DHX15: variants seen among roughly 807,000 people sequenced by gnomAD.
DHX15 encodes the protein ATP-dependent RNA helicase DHX15.
DHX15 carries 11 observed loss-of-function variants against 94.4 expected under a neutral mutation model. That is an observed-to-expected ratio of 0.12 (90% CI 0.07 to 0.19). DHX15 has a LOEUF of 0.19. Ranked by LOEUF, DHX15 falls within the 10% of genes least tolerant of loss-of-function variation. The pLI is 1.00. For missense variants in DHX15, 304 were observed against 988.5 expected, an observed-to-expected ratio of 0.31 and a Z score of 9.29; for synonymous variants, 338 against 329.9, an observed-to-expected ratio of 1.02 and a Z score of -0.27.
chr4:24,563,341 A>T (rs377194913), intron 3 of DHX15: 21 of 152,106 alleles, frequency 1.4e-4, no homozygotes, highest in African/African-American at 4.8e-4. Context: ...CCGCTCTCCA[A>T]GGAGTTACCA....
At chr4:24,534,926 T>A (rs146911638) in intron 11 of DHX15, among the ~76,000 whole-genome samples, 309 of 150,662 alleles carry the variant, frequency 2.1e-3, no homozygotes, top group African/African-American at 7.3e-3. Context: ...ATCGAAATAA[T>A]AACACGTGGG....
intron 3 of DHX15, among the ~76,000 whole-genome samples, chr4:24,566,990 T>A (rs555464729): frequency 6.6e-6 from 1 of 152,314 alleles, no homozygotes; most frequent in East Asian, 1.9e-4. Context: ...AGATTCACTT[T>A]TCATTATACC....
At position 24,539,278 on chromosome 4, in the gene DHX15, T is replaced by C. The variant is rs570906316; in HGVS notation, c.1786+830A>G. 2.0e-5 allele frequency: 3 copies of C among 152,284 alleles called. No individual in the cohort carries two copies. In the South Asian group the frequency reaches 6.2e-4, roughly 32 times the overall value. The allele number at this position is 152,284 out of a possible 1,614,324, so 9.4% of individuals were successfully genotyped here. A position where few individuals can be genotyped will look rare whatever the true frequency, so the allele number is the denominator to read the frequency against. ...TTAAGTTCAATAAACCACTCAGCAA[T>C]AGGGAGTCAGTTCTCTCCCGTGCTA... On this transcript the variant is annotated intron_variant, in intron 10 of 13. Transcript: ENST00000336812.
At chr4:24,582,366 G>A (rs569465332) in intron 1 of DHX15, among the ~76,000 whole-genome samples, 52 of 152,266 alleles carry the variant, frequency 3.4e-4, no homozygotes, top group Non-Finnish European at 5.7e-4. Flanking sequence ...TTTTACTAAG[G>A]ATATCTGTTT....
At chr4:24,556,162 T>C in intron 4 of DHX15, 89 bp downstream of exon 4, 1 of 1,041,308 alleles carries the variant, frequency 9.6e-7, no homozygotes, top group Non-Finnish European at 1.4e-6. Context: ...GGTGATTTCT[T>C]ACAGTTGGTT....
intron 5 of DHX15, among the ~76,000 whole-genome samples, chr4:24,549,414 T>C (rs1190931200): frequency 1.3e-5 from 2 of 152,234 alleles, no homozygotes; most frequent in African/African-American, 4.8e-5. Context: ...AATAAGCCAA[T>C]TAGGCTTTAA....
intron 6 of DHX15, among the ~76,000 whole-genome samples, chr4:24,547,899 ATGTG>A (rs1294219807): frequency 0.1 from 3,976 of 39,858 alleles, 113 homozygotes; most frequent in Middle Eastern, 0.18. Flanking sequence ...CTATGTATGT[ATGTG>A]TATATATATA....
intron 5 of DHX15, among the ~76,000 whole-genome samples, chr4:24,554,344 T>C (rs1274164161): frequency 6.6e-6 from 1 of 152,232 alleles, no homozygotes; most frequent in Non-Finnish European, 1.5e-5. Flanking sequence ...CTGAAGTGTT[T>C]TGATGATGAA....
At chr4:24,565,566 G>A (rs1181840848) in intron 3 of DHX15, among the ~76,000 whole-genome samples, 1 of 152,112 alleles carries the variant, frequency 6.6e-6, no homozygotes, top group East Asian at 1.9e-4. Context: ...TTTACCTCCA[G>A]CCCTAAAAGA....
At chr4:24,546,827 GTATTA>G (rs1560765133) in intron 6 of DHX15, among the ~76,000 whole-genome samples, 2 of 152,038 alleles carry the variant, frequency 1.3e-5, no homozygotes, top group East Asian at 3.9e-4. Context: ...TTTGTATTAA[GTATTA>G]TATTTGTTCA....
intron 12 of DHX15, among the ~76,000 whole-genome samples, chr4:24,531,038 A>C (rs191691082): frequency 6.6e-6 from 1 of 152,202 alleles, no homozygotes; most frequent in African/African-American, 2.4e-5. Context: ...TGTTTGTAAC[A>C]AATTTTAATC....
At chr4:24,529,009 ATT>A (rs1721023557) in intron 13 of DHX15, among the ~76,000 whole-genome samples, 2 of 151,332 alleles carry the variant, frequency 1.3e-5, no homozygotes, top group Admixed American at 1.3e-4. Flanking sequence ...AATTAAAAAA[ATT>A]AAAAAAAAAC....
chr4:24,536,106 A>G (rs1170074920), intron 11 of DHX15, among the ~76,000 whole-genome samples: 1 of 152,172 alleles, frequency 6.6e-6, no homozygotes, highest in Admixed American at 6.5e-5. Context: ...GTACATTCCA[A>G]CAGCAGCAGC....
intron 3 of DHX15, among the ~76,000 whole-genome samples, chr4:24,567,406 G>T (rs1363931884): frequency 6.6e-6 from 1 of 151,172 alleles, no homozygotes; most frequent in Admixed American, 6.6e-5. Flanking sequence ...GTGAAACCCC[G>T]TCTCTACTAA....
At chr4:24,528,641 C>T (rs917061918) in intron 13 of DHX15, among the ~76,000 whole-genome samples, 12 of 152,100 alleles carry the variant, frequency 7.9e-5, no homozygotes, top group African/African-American at 2.9e-4. Context: ...GAATATGTGC[C>T]TTCAGTCCCA....
intron 11 of DHX15, among the ~76,000 whole-genome samples, chr4:24,535,902 C>T (rs746596785): frequency 2.6e-5 from 4 of 152,004 alleles, no homozygotes; most frequent in Non-Finnish European, 5.9e-5. Context: ...AAAATTGGAA[C>T]GTCAACTTTA....
intron 12 of DHX15, among the ~76,000 whole-genome samples, chr4:24,531,090 ATTTTTTT>A (rs368953985): frequency 2.1e-5 from 3 of 142,958 alleles, no homozygotes; most frequent in African/African-American, 7.7e-5. Context: ...AGTTTCATCA[ATTTTTTT>A]TTTTTTTTTG....
rs766093204 is a variant in DHX15, at chr4:24,576,218, T to C, written c.507+25A>G. 25 of 1,564,916 alleles carry C rather than the reference T, an allele frequency of 1.6e-5. 1 individual carries two copies. The Admixed American group carries it at 2.0e-4, about 13-fold the overall frequency. ...GGTAAACTTAAACATAAATGAAATA[T>C]GTACCATGGTATACAATAACTCACC... On this transcript the variant is annotated intron_variant, in intron 2 of 13. Coordinates refer to ENST00000336812, the MANE Select transcript of DHX15 (RefSeq NM_001358.3).
intron 12 of DHX15, among the ~76,000 whole-genome samples, chr4:24,532,031 G>C (rs1437810331): frequency 2.0e-5 from 3 of 152,192 alleles, no homozygotes; most frequent in Non-Finnish European, 4.4e-5. Flanking sequence ...CAGCCAAAGA[G>C]AGAATGAACA....
Sources: gnomAD v4.1 joint callset for allele counts (sites outside exome capture counted in the v4.1 genomes callset) on GRCh38, gnomAD v4.1.1 for gene constraint, MANE v1.5 for transcripts, NCBI Gene and HGNC (gene_info 2026-07-23, HGNC 2026-07-21) for gene names.